Variants in ZMIZ2 observed in about 807,000 individuals in gnomAD.
ZMIZ2 encodes the protein zinc finger MIZ-type containing 2.
In ZMIZ2, 26 loss-of-function variants were observed where a neutral mutation model predicts 93.9. The observed-to-expected ratio is 0.28, with a 90% CI of 0.20 to 0.38. The LOEUF (loss-of-function observed/expected upper bound fraction) is 0.38. Ranked by LOEUF, ZMIZ2 falls within the 10% of genes least tolerant of loss-of-function variation. The probability of loss-of-function intolerance (pLI) is 1.00; values close to 1 mark genes in which losing one functional copy is unlikely to be tolerated. For missense variants in ZMIZ2, 1,023 were observed against 1,235.0 expected (o/e 0.83, Z 2.57); for synonymous variants, 485 against 516.4 (o/e 0.94, Z 0.82).
At chr7:44,764,909 T>G in intron 14 of ZMIZ2, 32 bp from the exon 15 acceptor site, 1 of 1,612,954 alleles carries the variant, frequency 6.2e-7, no homozygotes, top group Non-Finnish European at 8.5e-7. Context: ...TTGTGCAAGG[T>G]CTCTGAGCTG....
At position 44,763,478 on chromosome 7, in the gene ZMIZ2, C is replaced by G; in HGVS notation, c.1860+65C>G. The stretch of plus-strand genomic sequence containing the variant: ...GCTAAAATATCTTGAGTCGATACAT[C>G]AGTGTCATTCTCTGGACAGACGTGA... On this transcript the variant is annotated intron_variant, in intron 13 of 18. Transcript: ENST00000309315. This position sits in a 1 kb window ranked among gnomAD's most constrained non-coding sequence, Gnocchi z 5.6. The G allele has an allele frequency of 6.3e-7, 1 of 1,588,656 alleles. No individual in the cohort carries two copies. Among genetic ancestry groups the G allele is most frequent in the Non-Finnish European group, 8.6e-7 (1 of 1,164,270 alleles).
Position 44,764,958 on chromosome 7 carries a change from A to T in ZMIZ2, c.1946A>T (p.Glu649Val). 1 of 1,614,202 alleles carries T rather than the reference A, an allele frequency of 6.2e-7. No homozygotes were observed. Among genetic ancestry groups the T allele is most frequent in the African/African-American group, 1.3e-5 (1 of 75,074 alleles). ...CCCCACAGCAAGACAGCTTTGCTGG[A>T]GGGCCTGGAGGTGGACCAGTACATG... ...CPVCNKTALLEGLEVDQYMLG... is the reference protein window; with the variant it reads ...CPVCNKTALLVGLEVDQYMLG... The change falls in exon 15 of 19, where the codon GAG (glutamate) becomes GTG (valine). Residue 649 changes from glutamate to valine, a missense_variant. Transcript: ENST00000309315.
At chr7:44,749,936 C>G (rs1261088377) in intron 1 of ZMIZ2, 1 of 152,202 alleles carries the variant, frequency 6.6e-6, no homozygotes, top group East Asian at 1.9e-4. Context: ...TCCCTTGATG[C>G]TTAGTGTGGA....
At position 44,757,141 on chromosome 7, in the gene ZMIZ2, C is replaced by T. The variant is rs776084662; in HGVS notation, c.360C>T (p.Phe120=). Residue 120 remains phenylalanine (F), a synonymous_variant, in exon 4 of 19, where the codon TTC becomes TTT. Transcript: ENST00000309315. ...GGGGCTACCCTGGGGCCCCCGGCTTCACCACCGGGTAAGCAAGTTCCCTCA... is the reference window on the plus strand; with the variant it reads ...GGGGCTACCCTGGGGCCCCCGGCTTTACCACCGGGTAAGCAAGTTCCCTCA... ...SRGGYPGAPG[F]TTGYAGGPGG... is the part of the protein sequence containing the mutation. 47 of 1,596,280 alleles carry T rather than the reference C, an allele frequency of 2.9e-5. No individual in the cohort carries two copies. In the South Asian group the frequency reaches 4.8e-4, roughly 16 times the overall value.
intron 1 of ZMIZ2, among the ~76,000 whole-genome samples, chr7:44,752,343 A>C (rs1248889604): frequency 6.6e-6 from 1 of 152,092 alleles, no homozygotes; most frequent in Non-Finnish European, 1.5e-5. Flanking sequence ...GGGTTTCACC[A>C]TGTTGGCCAG....
intron 1 of ZMIZ2, among the ~76,000 whole-genome samples, chr7:44,752,656 C>A (rs1441442771): frequency 6.6e-6 from 1 of 152,216 alleles, no homozygotes; most frequent in African/African-American, 2.4e-5. Flanking sequence ...AGCATTAATT[C>A]TCTGGAGATT....
Position 44,760,473 on chromosome 7 carries a change from C to T in ZMIZ2, c.1120C>T (p.Pro374Ser). The T allele has an allele frequency of 6.2e-7, 1 of 1,614,150 alleles. No individual in the cohort carries two copies. Among genetic ancestry groups the T allele is most frequent in the South Asian group, 1.1e-5 (1 of 91,088 alleles). Reference sequence around the variant, plus strand: ...TCCCAGTTCCCCACTGCCAGGGAACCCCACGCCACCCATGACCCCAAGCAG... The same window carrying T: ...TCCCAGTTCCCCACTGCCAGGGAACTCCACGCCACCCATGACCCCAAGCAG... ...GYPSSPLPGN[P>S]TPPMTPSSSV... Residue 374 changes from proline (P) to serine (S), a missense_variant, in exon 9 of 19, where the codon CCC (proline) becomes TCC (serine). By Grantham distance (74) the Pro-to-Ser change is moderately conservative. Around this residue, in one of 3 missense-constraint regions of ZMIZ2, gnomAD observed 656 missense variants for 777.1 expected, o/e 0.84. Coordinates refer to ENST00000309315, the MANE Select transcript of ZMIZ2 (RefSeq NM_031449.4).
In ZMIZ2 at chr7:44,768,624, G is replaced by A. The variant is rs1050338; in HGVS notation, c.*1001G>A. 59,015 of 152,128 alleles carry A rather than the reference G, an allele frequency of 0.39. 12,319 individuals are homozygous for A. Among genetic ancestry groups the A allele is most frequent in the Non-Finnish European group, 0.46 (31,465 of 68,020 alleles). The allele number at this position is 152,128 out of a possible 1,614,324, so 9.4% of individuals were successfully genotyped here. On this transcript the variant is annotated 3_prime_UTR_variant, in exon 19 of 19. Transcript: ENST00000309315. ...GTTGGCTCAGGGCCCCAGCCTGTGC[G>A]AGCAGGGCGCCTGGGCTGTTGTGTC...
Position 44,761,918 on chromosome 7 carries a change from C to T in ZMIZ2, c.1596+13C>T, listed in dbSNP as rs1201579122. The T allele has an allele frequency of 1.9e-6, 3 of 1,600,936 alleles. No homozygotes were observed. The highest frequency in any genetic ancestry group is 1.3e-5 in the African/African-American group (1 of 74,660). ...CGCCTGCTGCTGCGTGCGTGTCCTG[C>T]GCCGAGGGGGCGGTGCTGTGGCGTG... On this transcript the variant is annotated intron_variant, in intron 11 of 18. Coordinates refer to ENST00000309315, the MANE Select transcript of ZMIZ2 (RefSeq NM_031449.4). The surrounding 1 kb of genome is among the most constrained non-coding windows in gnomAD (Gnocchi z 5.8).
At position 44,766,537 on chromosome 7, in the gene ZMIZ2, G is replaced by T; in HGVS notation, c.2529G>T (p.Ala843=). Reference sequence around the variant, plus strand: ...TGCACCATTCAAACCCTCCCCCAGCGTCCCGGCAGTCCTTGGGCCAAGCGA... The same window carrying T: ...TGCACCATTCAAACCCTCCCCCAGCTTCCCGGCAGTCCTTGGGCCAAGCGA... ...PQLHHSNPPP[A]SRQSLGQASL... Residue 843 remains alanine (A), a synonymous_variant, in exon 18 of 19, where the codon GCG becomes GCT. Transcript: ENST00000309315. This position sits in a 1 kb window ranked among gnomAD's most constrained non-coding sequence, Gnocchi z 4.4. 1 of 1,614,040 alleles carries T rather than the reference G, an allele frequency of 6.2e-7. No homozygotes were observed. The highest frequency in any genetic ancestry group is 2.2e-5 in the East Asian group (1 of 44,880).
chr7:44,754,424 C>T (rs1790419773), intron 1 of ZMIZ2, among the ~76,000 whole-genome samples: 2 of 152,164 alleles, frequency 1.3e-5, no homozygotes, highest in Admixed American at 1.3e-4. Flanking sequence ...GTCCAGAACA[C>T]TGCCCTCTCC....
rs1180881904 is a variant in ZMIZ2, at chr7:44,757,419, C to T, written c.410C>T (p.Ala137Val). The T allele has an allele frequency of 1.2e-6, 2 of 1,604,668 alleles. No individual in the cohort carries two copies. Among genetic ancestry groups the T allele is most frequent in the African/African-American group, 1.3e-5 (1 of 75,044 alleles). Residue 137 changes from alanine to valine, a missense_variant, in exon 5 of 19, where the codon GCT becomes GTT. Ala to Val is a moderately conservative substitution (Grantham distance 64). Coordinates refer to ENST00000309315, the MANE Select transcript of ZMIZ2 (RefSeq NM_031449.4). ...GGGGGCCTGGGCCTCCCCTCACATG[C>T]TGCAAGACCCTCCACTGACTTCACG... is the stretch of plus-strand genomic sequence containing the variant. Reference protein sequence around the residue: ...GPGGLGLPSHAARPSTDFTQA... With the variant: ...GPGGLGLPSHVARPSTDFTQA...
In ZMIZ2 at chr7:44,760,209, G is replaced by A; in HGVS notation, c.1052G>A (p.Ser351Asn). Reference sequence around the variant, plus strand: ...TTCAACGGGGGCAGCGTCAGCTACAGCCAACCTGGCCTGAGTGGGGTAGGG... The same window carrying A: ...TTCAACGGGGGCAGCGTCAGCTACAACCAACCTGGCCTGAGTGGGGTAGGG... ...ASFNGGSVSY[S>N]QPGLSGPTRS... The change falls in exon 8 of 19, where the codon AGC (serine) becomes AAC (asparagine). Residue 351 changes from serine to asparagine, a missense_variant. This residue lies in a region of ZMIZ2 where 656 missense variants were observed against 777.1 expected (regional missense o/e 0.84). Transcript: ENST00000309315. 1 of 1,613,100 alleles carries A rather than the reference G, an allele frequency of 6.2e-7. No individual in the cohort carries two copies. The highest frequency in any genetic ancestry group is 8.5e-7 in the Non-Finnish European group (1 of 1,179,594).
In ZMIZ2 at chr7:44,766,881, G is replaced by T. The variant is rs538367701; in HGVS notation, c.2655+218G>T. Among the ~76,000 whole-genome samples the T allele has an allele frequency of 6.6e-6, 1 of 152,264 alleles. No homozygotes were observed. Among genetic ancestry groups the T allele is most frequent in the Admixed American group, 6.5e-5 (1 of 15,290 alleles). On this transcript the variant is annotated intron_variant, in intron 18 of 18. Transcript: ENST00000309315. This position sits in a 1 kb window ranked among gnomAD's most constrained non-coding sequence, Gnocchi z 4.4. ...TGTGTTCATGAGGGGCCTGGATGCC[G>T]TACGGGCGGACGCAGAGTCTCAGAG...
At chr7:44,751,494 G>T (rs1457772077) in intron 1 of ZMIZ2, among the ~76,000 whole-genome samples, 1 of 152,168 alleles carries the variant, frequency 6.6e-6, no homozygotes, top group Non-Finnish European at 1.5e-5. Context: ...TTTGACCACG[G>T]GCGGGGGAGG....
Position 44,767,645 on chromosome 7 carries a change from G to A in ZMIZ2, c.*22G>A, listed in dbSNP as rs945113644. The A allele has an allele frequency of 2.4e-5, 38 of 1,597,448 alleles. No individual in the cohort carries two copies. The highest frequency in any genetic ancestry group is 1.3e-4 in the Admixed American group (8 of 59,922). On this transcript the variant is annotated 3_prime_UTR_variant, in exon 19 of 19. Transcript: ENST00000309315. Reference sequence around the variant, plus strand: ...CTGATCCTGTGTTTACCCCAAGCCCGGCGGGGACACGCTCACAGATGTCAC... The same window carrying A: ...CTGATCCTGTGTTTACCCCAAGCCCAGCGGGGACACGCTCACAGATGTCAC...
In ZMIZ2 at chr7:44,764,505, G is replaced by T. The variant is rs779878376; in HGVS notation, c.1928+19G>T. The T allele has an allele frequency of 5.6e-6, 9 of 1,613,084 alleles. No individual in the cohort carries two copies. The East Asian group carries it at 1.6e-4, about 28-fold the overall frequency. Reference sequence around the variant, plus strand: ...TGTGCAAGTGAGTCTCAGATGCAGCGTGTGATGGAGGAGGGGCTGGTGCTT... The same window carrying T: ...TGTGCAAGTGAGTCTCAGATGCAGCTTGTGATGGAGGAGGGGCTGGTGCTT... On this transcript the variant is annotated intron_variant, in intron 14 of 18. Transcript: ENST00000309315.
chr7:44,764,712 T>C (rs1791526373), intron 14 of ZMIZ2, among the ~76,000 whole-genome samples: 1 of 152,244 alleles, frequency 6.6e-6, no homozygotes, highest in Admixed American at 6.5e-5. Flanking sequence ...GGTCACCACA[T>C]GCACAGGATC....
rs1791960075 is a variant in ZMIZ2 at position 44,769,007 on chromosome 7, T to TG, written c.*1388dup. ...TATGTCACCTTATCTGGGCTTGCCC[T>TG]GGGGCACTGAGACAGTTGTTTGGCA... On this transcript the variant is annotated 3_prime_UTR_variant, in exon 19 of 19. Transcript: ENST00000309315. 6.5e-6 allele frequency: 1 copy of TG among 152,710 alleles called. No individual in the cohort carries two copies. Among genetic ancestry groups the TG allele is most frequent in the Non-Finnish European group, 1.5e-5 (1 of 68,068 alleles). 9.5% of individuals were successfully genotyped at this position (152,710 alleles called of 1,614,324 possible).
Sources: gnomAD v4.1 joint callset for allele counts (sites outside exome capture counted in the v4.1 genomes callset) on GRCh38, gnomAD v4.1.1 for gene constraint, gnomAD v4.1.1 regional missense constraint, Gnocchi (gnomAD v3.1) non-coding constraint, MANE v1.5 for transcripts, NCBI Gene and HGNC (gene_info 2026-07-23, HGNC 2026-07-21) for gene names.